The following R3HDM2 variants were observed in gnomAD, a reference collection of about 807,000 sequenced individuals.
R3HDM2 encodes R3H domain-containing protein 2.
R3HDM2 carries 38 observed loss-of-function variants against 124.5 expected under a neutral mutation model. The observed-to-expected ratio is 0.31, with a 90% confidence interval of 0.24 to 0.40. The LOEUF (loss-of-function observed/expected upper bound fraction) is 0.40, where lower values mean the gene tolerates loss of function less well. R3HDM2 is among the 10% of genes least tolerant of loss of function. The pLI is 1.00. For synonymous variants in R3HDM2, 391 were observed against 448.0 expected, an observed-to-expected ratio of 0.87 and a Z score of 1.61; for missense variants, 869 against 1,236.9, an observed-to-expected ratio of 0.70 and a Z score of 4.46.
intron 2 of R3HDM2, among the ~76,000 whole-genome samples, chr12:57,338,958 A>G (rs1178289108): frequency 6.6e-6 from 1 of 152,108 alleles, no homozygotes; most frequent in Non-Finnish European, 1.5e-5. Context: ...GTATATATTA[A>G]CTCTTTTAAT....
chr12:57,284,055 C>T lies in R3HDM2; in HGVS notation c.940G>A (p.Gly314Arg). ...GQNGYLNDIRGNREGLSRTSS... is the reference protein window; with the variant it reads ...GQNGYLNDIRRNREGLSRTSS... ...GTGCGGCTCAGTCCTTCACGGTTCC[C>T]CCTGCAGAGACCATAGTGGTCAGAG... Residue 314 changes from glycine to arginine, a missense_variant and splice_region_variant, in exon 13 of 24, where the codon GGG (glycine) becomes AGG (arginine). Transcript: ENST00000402412. The T allele has an allele frequency of 6.3e-7, 1 of 1,591,600 alleles. No homozygotes were observed. Among genetic ancestry groups the T allele is most frequent in the Non-Finnish European group, 8.6e-7 (1 of 1,169,236 alleles).
At chr12:57,340,874 G>A (rs1399910496) in intron 2 of R3HDM2, among the ~76,000 whole-genome samples, 5 of 150,728 alleles carry the variant, frequency 3.3e-5, no homozygotes, top group African/African-American at 7.3e-5. Flanking sequence ...CATGAAAAGC[G>A]ACTGGAAGCC....
At chr12:57,367,132 T>C (rs561083683) in intron 2 of R3HDM2, among the ~76,000 whole-genome samples, 3 of 152,242 alleles carry the variant, frequency 2.0e-5, no homozygotes, top group South Asian at 2.1e-4. Flanking sequence ...CTAAGGACTC[T>C]ACTCAATGTC....
chr12:57,408,318 C>T (rs536287580), intron 1 of R3HDM2, among the ~76,000 whole-genome samples: 5 of 152,308 alleles, frequency 3.3e-5, no homozygotes, highest in Non-Finnish European at 5.9e-5. Flanking sequence ...CCTCCCACTT[C>T]GGACTCCCAA....
At chr12:57,294,630 C>T (rs560196552) in intron 10 of R3HDM2, among the ~76,000 whole-genome samples, 2 of 152,252 alleles carry the variant, frequency 1.3e-5, no homozygotes, top group Admixed American at 6.5e-5. Flanking sequence ...TACTCAACCA[C>T]GCTCTTCAAA....
At chr12:57,387,373 G>A (rs1317001828) in intron 2 of R3HDM2, among the ~76,000 whole-genome samples, 2 of 151,916 alleles carry the variant, frequency 1.3e-5, no homozygotes, top group African/African-American at 4.8e-5. Flanking sequence ...GAACACATCC[G>A]AGCATCAGAA....
chr12:57,383,922 G>A (rs929335103), intron 2 of R3HDM2, among the ~76,000 whole-genome samples: 2 of 152,080 alleles, frequency 1.3e-5, no homozygotes, highest in South Asian at 2.1e-4. Flanking sequence ...AGTAAAAACT[G>A]TATTATGTTA....
intron 2 of R3HDM2, among the ~76,000 whole-genome samples, chr12:57,368,987 G>A (rs937087988): frequency 6.6e-6 from 1 of 152,078 alleles, no homozygotes; most frequent in Non-Finnish European, 1.5e-5. Context: ...GACTAAGAAG[G>A]CAACACAAGT....
Position 57,254,860 on chromosome 12 carries a change from A to G in R3HDM2, c.2886T>C (p.Arg962=). 2 of 1,613,800 alleles carry G rather than the reference A, an allele frequency of 1.2e-6. No individual in the cohort carries two copies. Among genetic ancestry groups the G allele is most frequent in the Non-Finnish European group, 1.7e-6 (2 of 1,179,806 alleles). Reference sequence around the variant, plus strand: ...TGAAGCGACTCACGGAGTTGTTGAGACGAAGGGAGGCATTTTGGGCAGCCA... The same window carrying G: ...TGAAGCGACTCACGGAGTTGTTGAGGCGAAGGGAGGCATTTTGGGCAGCCA... ...SPLAAQNASL[R]LNNSVSRFKL... Residue 962 remains arginine, a synonymous_variant, in exon 24 of 24, where the codon CGT becomes CGC. Transcript: ENST00000402412.
chr12:57,298,173 AACC>A lies in R3HDM2; in HGVS notation c.422-8_422-6del. 6.5e-7 allele frequency: 1 copy of A among 1,543,410 alleles called. No individual in the cohort carries two copies. On this transcript the variant is annotated splice_polypyrimidine_tract_variant and splice_region_variant and intron_variant, in intron 6 of 23. Transcript: ENST00000402412. ...CCGTATATTCCTGGCTGGAGTCTAG[AACC>A]ACCACAACAAAAGAAATTAAAATAC...
rs575225721 is a variant in R3HDM2, at chr12:57,356,652, T to C, written c.-36+39097A>G. ...TTCAAAAGTTTATGTAGAAATGGTA[T>C]GTCTTAAATTCTTGATAAGACTTCA... is the stretch of plus-strand genomic sequence containing the variant. On this transcript the variant is annotated intron_variant, in intron 2 of 23. Transcript: ENST00000402412. Among the ~76,000 whole-genome samples the C allele has an allele frequency of 3.3e-5, 5 of 152,232 alleles. No homozygotes were observed. In the East Asian group the frequency reaches 9.6e-4, roughly 29 times the overall value.
At chr12:57,257,110 C>T (rs549408354) in intron 21 of R3HDM2, among the ~76,000 whole-genome samples, 7 of 152,242 alleles carry the variant, frequency 4.6e-5, no homozygotes, top group East Asian at 3.9e-4. Flanking sequence ...TTAGCCACTG[C>T]GCCCGGCTGT....
chr12:57,263,778 G>A (rs1409368477), intron 19 of R3HDM2, among the ~76,000 whole-genome samples: 4 of 152,180 alleles, frequency 2.6e-5, no homozygotes, highest in Non-Finnish European at 5.9e-5. Flanking sequence ...TGGCCTGGAA[G>A]TCATTGCTCC....
chr12:57,279,532 G>T (rs1396837166), intron 14 of R3HDM2, among the ~76,000 whole-genome samples: 1 of 150,772 alleles, frequency 6.6e-6, no homozygotes, highest in East Asian at 2.0e-4. Flanking sequence ...GCCAGGCATG[G>T]TGGCTCATGC....
At chr12:57,382,310 C>G (rs2065015131) in intron 2 of R3HDM2, among the ~76,000 whole-genome samples, 1 of 150,328 alleles carries the variant, frequency 6.7e-6, no homozygotes, top group Admixed American at 6.6e-5. Context: ...TAAAGTTTCA[C>G]TATGTTGTCC....
At chr12:57,297,043 G>A in intron 8 of R3HDM2, 1 of 299,168 alleles carries the variant, frequency 3.3e-6, no homozygotes, top group Admixed American at 4.9e-5. Context: ...GACAAAGAAA[G>A]ACTGTCTCAA....
rs1486409828 is a variant in R3HDM2, at chr12:57,301,735, AG to A, written c.207+1440del. Among the ~76,000 whole-genome samples the A allele has an allele frequency of 9.6e-4, 147 of 152,346 alleles. 1 individual carries two copies. The highest frequency in any genetic ancestry group is 3.4e-3 in the African/African-American group (141 of 41,576). On this transcript the variant is annotated intron_variant, in intron 4 of 23. Transcript: ENST00000402412. The stretch of plus-strand genomic sequence containing the variant: ...TCAAACTCAAGCCACATAGTGGCTG[AG>A]CCACTCTCCAAATTCTATCATTATT...
intron 2 of R3HDM2, among the ~76,000 whole-genome samples, chr12:57,356,851 C>T (rs1032690376): frequency 6.6e-6 from 1 of 152,174 alleles, no homozygotes; most frequent in African/African-American, 2.4e-5. Flanking sequence ...TAGCTCACGC[C>T]TGTAATCCGG....
At position 57,268,354 on chromosome 12, in the gene R3HDM2, C is replaced by T. The variant is rs1453927563; in HGVS notation, c.1979G>A (p.Gly660Glu). 2 of 1,613,986 alleles carry T rather than the reference C, an allele frequency of 1.2e-6. No homozygotes were observed. The highest frequency in any genetic ancestry group is 1.3e-5 in the African/African-American group (1 of 74,892). The stretch of plus-strand genomic sequence containing the variant: ...GATCATGCTATAGTACACTGGTACC[C>T]CCGCTGCTGGGAGGCCTCCTTGCAC... Reference protein sequence around the residue: ...QSVQGGLPAAGVPVYYSMIPP... With the variant: ...QSVQGGLPAAEVPVYYSMIPP... Residue 660 changes from glycine to glutamate, a missense_variant, in exon 18 of 24, where the codon GGG becomes GAG. By Grantham distance (98) the Gly-to-Glu change is moderately conservative (BLOSUM62 -2). Coordinates refer to ENST00000402412, the MANE Select transcript of R3HDM2 (RefSeq NM_001394031.1).
Sources: allele counts gnomAD v4.1 joint callset (sites outside exome capture counted in the v4.1 genomes callset), GRCh38; gene constraint gnomAD v4.1.1; transcripts MANE v1.5; gene names NCBI Gene and HGNC (gene_info 2026-07-23, HGNC 2026-07-21).